ACKR4: variants seen among roughly 807,000 people sequenced by gnomAD.
ACKR4 encodes the protein atypical chemokine receptor 4, also known as C-C CKR-11.
In ACKR4, 2 loss-of-function variants were observed where a neutral mutation model predicts 8.5. The ratio of observed to expected loss-of-function variants is 0.23; its 90% CI spans 0.10 to 0.74. The LOEUF is 0.74. Ranked by LOEUF, ACKR4 falls within the 30% of genes least tolerant of loss-of-function variation. The probability of loss-of-function intolerance (pLI) is 0.75; values close to 1 mark genes in which losing one functional copy is unlikely to be tolerated. For synonymous variants in ACKR4, 67 were observed against 145.0 expected, an observed-to-expected ratio of 0.46 and a Z score of 3.86; for missense variants, 167 against 422.1, an observed-to-expected ratio of 0.40 and a Z score of 5.30.
chr3:132,599,717 T>C (rs1455031879), intron 1 of ACKR4, among the ~76,000 whole-genome samples: 2 of 152,006 alleles, frequency 1.3e-5, no homozygotes, highest in African/African-American at 4.8e-5. Flanking sequence ...TGAAGCAGGC[T>C]TACAGCTTAG....
intron 1 of ACKR4, among the ~76,000 whole-genome samples, chr3:132,599,908 T>TA (rs1263273005): frequency 6.6e-6 from 1 of 152,248 alleles, no homozygotes; most frequent in African/African-American, 2.4e-5. Flanking sequence ...AACATCAAAA[T>TA]AAAAAATAAA....
Position 132,601,746 on chromosome 3 carries a change from G to A in ACKR4, c.*296G>A, listed in dbSNP as rs1938612456. The A allele has an allele frequency of 2.4e-6, 1 of 423,930 alleles. No homozygotes were observed. 26.3% of individuals were successfully genotyped at this position (423,930 alleles called of 1,614,324 possible). A position where few individuals can be genotyped will look rare whatever the true frequency, so the allele number is the denominator to read the frequency against. The stretch of plus-strand genomic sequence containing the variant: ...GTGGTGATAATTTTGTATCTTGGTT[G>A]CAGTGGTGCTTATACAAATCTACAC... On this transcript the variant is annotated 3_prime_UTR_variant, in exon 2 of 2. Coordinates refer to ENST00000249887, the MANE Select transcript of ACKR4 (RefSeq NM_016557.4).
intron 1 of ACKR4, 85 bp from the exon 2 acceptor site, chr3:132,600,304 G>C: frequency 8.3e-7 from 1 of 1,199,124 alleles, no homozygotes; most frequent in African/African-American, 1.5e-5. Context: ...ATACTCTAGG[G>C]AAAGAACAAA....
rs777865969 is a variant in ACKR4 at position 132,600,811 on chromosome 3, T to A, written c.414T>A (p.Tyr138Ter). The A allele has an allele frequency of 2.5e-6, 4 of 1,614,040 alleles. No individual in the cohort carries two copies. In the South Asian group the frequency reaches 4.4e-5, roughly 18 times the overall value. ...TGGCTTGTATCAGCATAGACAGATA[T>A]GTGGCAGTAACTAAAGTCCCCAGCC... ...QFLACISIDR[Y>*]VAVTKVPSQS... is the part of the protein sequence containing the mutation. The change falls in exon 2 of 2, where the codon TAT becomes TAA. Residue 138 changes from tyrosine (Y) to a stop codon, truncating the protein, a stop_gained. Coordinates refer to ENST00000249887, the MANE Select transcript of ACKR4 (RefSeq NM_016557.4). LOFTEE classifies it low-confidence loss of function (END_TRUNC).
chr3:132,599,075 G>T (rs1384377598), intron 1 of ACKR4, among the ~76,000 whole-genome samples: 2 of 152,148 alleles, frequency 1.3e-5, no homozygotes, highest in African/African-American at 4.8e-5. Flanking sequence ...CTCTTTGCGA[G>T]GCCAAGGCAG....
intron 1 of ACKR4, among the ~76,000 whole-genome samples, chr3:132,599,196 A>C (rs1005424945): frequency 6.6e-6 from 1 of 152,090 alleles, no homozygotes; most frequent in Non-Finnish European, 1.5e-5. Context: ...TCAATAAATA[A>C]ATAAATAAAT....
intron 1 of ACKR4, 27 bp from the exon 2 acceptor site, chr3:132,600,362 C>G (rs1358398580): frequency 6.6e-7 from 1 of 1,507,586 alleles, no homozygotes; most frequent in East Asian, 2.3e-5. Context: ...AGACAAATAT[C>G]TATCCTGTAT....
intron 1 of ACKR4, among the ~76,000 whole-genome samples, chr3:132,599,054 T>C (rs1204591158): frequency 6.6e-6 from 1 of 152,192 alleles, no homozygotes; most frequent in Non-Finnish European, 1.5e-5. Flanking sequence ...GGCTCATGCC[T>C]GTTACTCCAA....
rs150769513 is a variant in ACKR4, at chr3:132,601,048, G to A, written c.651G>A (p.Gly217=). 5.6e-6 allele frequency: 9 copies of A among 1,613,686 alleles called. No homozygotes were observed. In the Admixed American group the frequency reaches 1.5e-4, roughly 27 times the overall value. The change falls in exon 2 of 2, where the codon GGG becomes GGA. Residue 217 remains glycine, a synonymous_variant. Coordinates refer to ENST00000249887, the MANE Select transcript of ACKR4 (RefSeq NM_016557.4). ...IGFVVPFLIM[G]VCYFITARTL... ...TTGTAGTACCCTTTCTTATTATGGG[G>A]GTGTGCTACTTTATCACAGCAAGGA...
At position 132,601,247 on chromosome 3, in the gene ACKR4, G is replaced by A. The variant is rs139794831; in HGVS notation, c.850G>A (p.Ala284Thr). The part of the protein sequence containing the change: ...SCNMSKRMDI[A>T]IQVTESIALF... ...CAACATGAGCAAACGCATGGACATCGCCATCCAAGTCACAGAAAGCATCGC... is the reference window on the plus strand; with the variant it reads ...CAACATGAGCAAACGCATGGACATCACCATCCAAGTCACAGAAAGCATCGC... Residue 284 changes from alanine (A) to threonine (T), a missense_variant, in exon 2 of 2, where the codon GCC becomes ACC. This residue lies in a region of ACKR4 where 18 missense variants were observed against 140.2 expected (regional missense o/e 0.13). Coordinates refer to ENST00000249887, the MANE Select transcript of ACKR4 (RefSeq NM_016557.4). 4.6e-5 allele frequency: 74 copies of A among 1,613,916 alleles called. 1 individual carries two copies. Among genetic ancestry groups the A allele is most frequent in the Middle Eastern group, 3.3e-4 (2 of 6,056 alleles).
intron 1 of ACKR4, 145 bp from the exon 2 acceptor site, chr3:132,600,244 C>A: frequency 1.5e-6 from 1 of 672,636 alleles, no homozygotes; most frequent in Non-Finnish European, 2.5e-6. Context: ...CCCATTAAAG[C>A]ATTTCAAAGA....
chr3:132,600,626 G>A lies in ACKR4; in HGVS notation c.229G>A (p.Asp77Asn), dbSNP rs756407396. The change falls in exon 2 of 2, where the codon GAT (aspartate) becomes AAT (asparagine). Residue 77 changes from aspartate (D) to asparagine (N), a missense_variant. This residue lies in a region of ACKR4 where 149 missense variants were observed against 281.9 expected (regional missense o/e 0.53). Coordinates refer to ENST00000249887, the MANE Select transcript of ACKR4 (RefSeq NM_016557.4). ...TTACAAGAAACAGAGAACCAAAACA[G>A]ATGTGTACATCCTGAATTTGGCTGT... ...AYYKKQRTKT[D>N]VYILNLAVAD... The A allele has an allele frequency of 6.8e-6, 11 of 1,613,728 alleles. No individual in the cohort carries two copies. The East Asian group carries it at 2.5e-4, about 36-fold the overall frequency.
chr3:132,600,005 A>T (rs1361492673), intron 1 of ACKR4, among the ~76,000 whole-genome samples: 1 of 152,202 alleles, frequency 6.6e-6, no homozygotes, highest in Non-Finnish European at 1.5e-5. Flanking sequence ...AAAATTATGT[A>T]TGTAAAGATT....
At position 132,602,541 on chromosome 3, in the gene ACKR4, T is replaced by C. The variant is rs891454200; in HGVS notation, c.*1091T>C. Among the ~76,000 whole-genome samples the C allele has an allele frequency of 1.3e-5, 2 of 152,192 alleles. No homozygotes were observed. Among genetic ancestry groups the C allele is most frequent in the Non-Finnish European group, 2.9e-5 (2 of 68,032 alleles). ...CACAATAAATTATTGTTAATTAACA[T>C]GTACAGCTTATCTTTTTTAAAAAAA... On this transcript the variant is annotated 3_prime_UTR_variant, in exon 2 of 2. Transcript: ENST00000249887.
intron 1 of ACKR4, among the ~76,000 whole-genome samples, chr3:132,599,073 G>A (rs942624090): frequency 3.9e-5 from 6 of 152,268 alleles, no homozygotes; most frequent in South Asian, 2.1e-4. Flanking sequence ...AACTCTTTGC[G>A]AGGCCAAGGC....
rs1360807100 is a variant in ACKR4 at position 132,602,243 on chromosome 3, C to G, written c.*793C>G. The G allele has an allele frequency of 6.0e-6, 1 of 166,140 alleles. No individual in the cohort carries two copies. The highest frequency in any genetic ancestry group is 1.5e-5 in the Non-Finnish European group (1 of 68,008). 10.3% of individuals were successfully genotyped at this position (166,140 alleles called of 1,614,324 possible). A position where few individuals can be genotyped will look rare whatever the true frequency, so the allele number is the denominator to read the frequency against. ...TTTTCTGATTCTTTTCAAAACATTC[C>G]TGGTAAGTTCCTAAAGACATAATTT... On this transcript the variant is annotated 3_prime_UTR_variant, in exon 2 of 2. Transcript: ENST00000249887.
At chr3:132,599,348 A>T (rs1019951684) in intron 1 of ACKR4, among the ~76,000 whole-genome samples, 14 of 152,024 alleles carry the variant, frequency 9.2e-5, no homozygotes, top group African/African-American at 3.4e-4. Flanking sequence ...TCTACTAAAA[A>T]TAGAAAAAAT....
rs142351422 is a variant in ACKR4 at position 132,600,853 on chromosome 3, A to C, written c.456A>C (p.Lys152Asn). 1.1e-5 allele frequency: 17 copies of C among 1,613,972 alleles called. No individual in the cohort carries two copies. The East Asian group carries it at 3.6e-4, about 34-fold the overall frequency. ...TCCCCAGCCAATCAGGAGTGGGAAA[A>C]CCATGCTGGATCATCTGTTTCTGTG... The part of the protein sequence containing the change: ...TKVPSQSGVG[K>N]PCWIICFCVW... Residue 152 changes from lysine to asparagine, a missense_variant, in exon 2 of 2, where the codon AAA becomes AAC. Lys to Asn is a moderately conservative substitution (Grantham distance 94). Coordinates refer to ENST00000249887, the MANE Select transcript of ACKR4 (RefSeq NM_016557.4).
chr3:132,598,920 T>C (rs917637643), intron 1 of ACKR4, among the ~76,000 whole-genome samples: 6 of 151,894 alleles, frequency 4.0e-5, no homozygotes, highest in African/African-American at 9.7e-5. Flanking sequence ...AGAGGAGAGG[T>C]AGATTGGCAA....
Sources: gnomAD v4.1 joint callset for allele counts (sites outside exome capture counted in the v4.1 genomes callset) on GRCh38, gnomAD v4.1.1 for gene constraint, gnomAD v4.1.1 regional missense constraint, MANE v1.5 for transcripts, NCBI Gene and HGNC (gene_info 2026-07-23, HGNC 2026-07-21) for gene names.